Variants in CD22 observed in about 807,000 individuals in gnomAD.
CD22 encodes CD22 molecule, also known as B-cell receptor CD22.
CD22 carries 51 observed loss-of-function variants against 94.7 expected under a neutral mutation model. The ratio of observed to expected loss-of-function variants is 0.54; its 90% CI spans 0.43 to 0.68. The LOEUF is 0.68. Ranked by LOEUF, CD22 falls within the 30% of genes least tolerant of loss-of-function variation. The pLI, the probability that CD22 is intolerant of heterozygous loss-of-function variation, is 0.00. For synonymous variants in CD22, 424 were observed against 422.5 expected (o/e 1.00, Z -0.04); for missense variants, 931 against 1,060.4 (o/e 0.88, Z 1.69).
Position 35,341,649 on chromosome 19 carries a change from C to T in CD22, c.1771+43C>T. On this transcript the variant is annotated intron_variant, in intron 8 of 13. Coordinates refer to ENST00000085219, the MANE Select transcript of CD22 (RefSeq NM_001771.4). This position sits in a 1 kb window ranked among gnomAD's most constrained non-coding sequence, Gnocchi z 4.0. ...GCTGGGAGTGGAGCAGAGAAGGGAC[C>T]AGTGGCCTGCCTGGTAGTGACTTCG... 1 of 1,606,794 alleles carries T rather than the reference C, an allele frequency of 6.2e-7. No individual in the cohort carries two copies. The highest frequency in any genetic ancestry group is 8.5e-7 in the Non-Finnish European group (1 of 1,175,422).
At position 35,332,659 on chromosome 19, in the gene CD22, A is replaced by C. The variant is rs573917789; in HGVS notation, c.147A>C (p.Leu49=). 1 of 1,614,016 alleles carries C rather than the reference A, an allele frequency of 6.2e-7. No individual in the cohort carries two copies. Among genetic ancestry groups the C allele is most frequent in the Admixed American group, 1.7e-5 (1 of 60,008 alleles). ...GGATCCCCTGCACCTACAGAGCCCT[A>C]GATGGTGACCTGGAAAGCTTCATCC... ...CVWIPCTYRA[L]DGDLESFILF... Residue 49 remains leucine, a synonymous_variant, in exon 3 of 14, where the codon CTA becomes CTC. Coordinates refer to ENST00000085219, the MANE Select transcript of CD22 (RefSeq NM_001771.4).
At chr19:35,332,480 T>A in intron 2 of CD22, 67 bp from the exon 3 acceptor site, 2 of 1,433,248 alleles carry the variant, frequency 1.4e-6, no homozygotes, top group Non-Finnish European at 1.9e-6. Flanking sequence ...AATTTTAAAA[T>A]AAAAAATAAC....
At chr19:35,335,615 G>C (rs1170234582) in intron 3 of CD22, among the ~76,000 whole-genome samples, 1 of 151,546 alleles carries the variant, frequency 6.6e-6, no homozygotes, top group Non-Finnish European at 1.5e-5. Context: ...CACTTTGGGA[G>C]GCCAAGGCGG....
Position 35,337,722 on chromosome 19 carries a change from G to C in CD22, c.719-33G>C. 2 of 1,542,884 alleles carry C rather than the reference G, an allele frequency of 1.3e-6. No individual in the cohort carries two copies. The highest frequency in any genetic ancestry group is 1.2e-5 in the South Asian group (1 of 83,440). On this transcript the variant is annotated intron_variant, in intron 4 of 13. Transcript: ENST00000085219. This position sits in a 1 kb window ranked among gnomAD's most constrained non-coding sequence, Gnocchi z 4.4. ...ACCCTCCACCCTCTGAGGATTCCCC[G>C]CCCCCTCCCCGACTGCCCCTCTGCT...
chr19:35,329,528 ACAGCATGGC>A, intron 1 of CD22: 1 of 323,816 alleles, frequency 3.1e-6, no homozygotes, highest in South Asian at 2.5e-5. Context: ...GGAGGTCTGG[ACAGCATGGC>A]CCTGTCCTGA....
chr19:35,333,262 T>C (rs1447171469), intron 3 of CD22, among the ~76,000 whole-genome samples: 1 of 152,182 alleles, frequency 6.6e-6, no homozygotes, highest in Non-Finnish European at 1.5e-5. Flanking sequence ...CGCATTCCTT[T>C]AGTGGGGTGG....
chr19:35,341,765 C>T lies in CD22; in HGVS notation c.1835C>T (p.Ala612Val), dbSNP rs1012711529. Residue 612 changes from alanine (A) to valine (V), a missense_variant, in exon 9 of 14, where the codon GCA becomes GTA. By Grantham distance (64) the Ala-to-Val change is moderately conservative (BLOSUM62 0). Coordinates refer to ENST00000085219, the MANE Select transcript of CD22 (RefSeq NM_001771.4). The surrounding 1 kb of genome is among the most constrained non-coding windows in gnomAD (Gnocchi z 4.0). ...PGDQVMEGKS[A>V]TLTCESDANP... ...GACCAAGTGATGGAGGGGAAGAGTG[C>T]AACCCTGACCTGTGAGAGCGACGCC... 1.2e-6 allele frequency: 2 copies of T among 1,612,318 alleles called. No individual in the cohort carries two copies. The highest frequency in any genetic ancestry group is 8.5e-7 in the Non-Finnish European group (1 of 1,179,952).
In CD22 at chr19:35,346,800, G is replaced by T; in HGVS notation, c.*103G>T. ...ATGGCTTCCTCCTGCGCGCATGTGC[G>T]CACACACACACACACACGCACACAC... is the stretch of plus-strand genomic sequence containing the variant. On this transcript the variant is annotated 3_prime_UTR_variant, in exon 14 of 14. Coordinates refer to ENST00000085219, the MANE Select transcript of CD22 (RefSeq NM_001771.4). 1.1e-6 allele frequency: 1 copy of T among 907,862 alleles called. No homozygotes were observed. The highest frequency in any genetic ancestry group is 1.6e-6 in the Non-Finnish European group (1 of 618,494). 56.2% of individuals were successfully genotyped at this position (907,862 alleles called of 1,614,324 possible). A position where few individuals can be genotyped will look rare whatever the true frequency, so the allele number is the denominator to read the frequency against.
In CD22 at chr19:35,346,555, G is replaced by A. The variant is rs369846277; in HGVS notation, c.2413-11G>A. 55 of 1,594,456 alleles carry A rather than the reference G, an allele frequency of 3.4e-5. 1 individual carries two copies. The highest frequency in any genetic ancestry group is 4.4e-5 in the Non-Finnish European group (52 of 1,169,102). On this transcript the variant is annotated splice_polypyrimidine_tract_variant and intron_variant, in intron 13 of 13. Coordinates refer to ENST00000085219, the MANE Select transcript of CD22 (RefSeq NM_001771.4). ...AGTGGGGCCAGGCTAACCACCATGCGGTTTTCTCAGGGCGACTATGAGAAC... is the reference window on the plus strand; with the variant it reads ...AGTGGGGCCAGGCTAACCACCATGCAGTTTTCTCAGGGCGACTATGAGAAC...
chr19:35,344,397 T>C (rs755487347), intron 9 of CD22, among the ~76,000 whole-genome samples: 14 of 152,252 alleles, frequency 9.2e-5, no homozygotes, highest in Non-Finnish European at 2.1e-4. Context: ...GAAGGTTGCA[T>C]ACATCCTCCT....
chr19:35,341,612 T>C lies in CD22; in HGVS notation c.1771+6T>C. 1 of 1,608,812 alleles carries C rather than the reference T, an allele frequency of 6.2e-7. No individual in the cohort carries two copies. The highest frequency in any genetic ancestry group is 8.5e-7 in the Non-Finnish European group (1 of 1,175,916). The stretch of plus-strand genomic sequence containing the variant: ...CTGGACACTTGAAGTGCTGTGTGAG[T>C]GAGGGCCGGAGGCTGGGAGTGGAGC... On this transcript the variant is annotated splice_donor_region_variant and intron_variant, in intron 8 of 13. Transcript: ENST00000085219. This position sits in a 1 kb window ranked among gnomAD's most constrained non-coding sequence, Gnocchi z 4.0.
chr19:35,342,234 A>G (rs114060587), intron 9 of CD22, among the ~76,000 whole-genome samples: 3,459 of 151,426 alleles, frequency 0.023, 117 homozygotes, highest in East Asian at 0.1. Context: ...CAGTCGCATA[A>G]TGACACCTCA....
intron 3 of CD22, 123 bp downstream of exon 3, chr19:35,333,047 A>ATCGTCATCC: frequency 1.9e-6 from 2 of 1,028,294 alleles, no homozygotes; most frequent in African/African-American, 1.6e-5. Flanking sequence ...AGGGGACGCC[A>ATCGTCATCC]GCGGATGACG....
chr19:35,332,326 T>G (rs919310518), intron 2 of CD22: 1 of 647,332 alleles, frequency 1.5e-6, no homozygotes, highest in East Asian at 2.8e-5. Context: ...TTTAGAAAGC[T>G]CTCTGCTGGG....
Position 35,329,229 on chromosome 19 carries a change from A to G in CD22, c.-24A>G. The G allele has an allele frequency of 7.8e-7, 1 of 1,289,486 alleles. No homozygotes were observed. 79.9% of individuals were successfully genotyped at this position (1,289,486 alleles called of 1,614,324 possible). On this transcript the variant is annotated splice_region_variant and 5_prime_UTR_variant, in exon 1 of 14. Transcript: ENST00000085219. ...CTGAAGAGGGAAGACACGCGGAAAC[A>G]GGTAAAAATCATTTTGCTTTTATTT... is the stretch of plus-strand genomic sequence containing the variant.
chr19:35,329,220 C>T lies in CD22; in HGVS notation c.-33C>T, dbSNP rs1599668320. ...CCAGGGTCCCTGAAGAGGGAAGACA[C>T]GCGGAAACAGGTAAAAATCATTTTG... On this transcript the variant is annotated 5_prime_UTR_variant, in exon 1 of 14. It adds an upstream start codon to the 5' untranslated region. Transcript: ENST00000085219. The T allele has an allele frequency of 4.7e-6, 6 of 1,289,454 alleles. No individual in the cohort carries two copies. Among genetic ancestry groups the T allele is most frequent in the Non-Finnish European group, 5.1e-6 (5 of 988,564 alleles). The allele number at this position is 1,289,454 out of a possible 1,614,324, so 79.9% of individuals were successfully genotyped here. A position where few individuals can be genotyped will look rare whatever the true frequency, so the allele number is the denominator to read the frequency against.
intron 6 of CD22, among the ~76,000 whole-genome samples, chr19:35,339,972 C>A (rs1205596249): frequency 1.3e-5 from 2 of 152,158 alleles, no homozygotes; most frequent in Admixed American, 1.3e-4. Flanking sequence ...AGAACTGGGG[C>A]AAACTGTCTC....
chr19:35,333,953 G>T (rs1307081022), intron 3 of CD22, among the ~76,000 whole-genome samples: 1 of 152,198 alleles, frequency 6.6e-6, no homozygotes, highest in African/African-American at 2.4e-5. Context: ...TTCAAGGTCA[G>T]ATGACACTGT....
intron 12 of CD22, among the ~76,000 whole-genome samples, 161 bp from the exon 13 acceptor site, chr19:35,345,980 CTCCACGCACA>C (rs2145684248): frequency 6.6e-6 from 1 of 152,364 alleles, no homozygotes. Flanking sequence ...CGCCTACTCC[CTCCACGCACA>C]TTTGCACGAG....
Sources: allele counts gnomAD v4.1 joint callset (sites outside exome capture counted in the v4.1 genomes callset), GRCh38; gene constraint gnomAD v4.1.1; non-coding constraint Gnocchi (gnomAD v3.1); transcripts MANE v1.5; gene names NCBI Gene and HGNC (gene_info 2026-07-23, HGNC 2026-07-21).